The following PTPN22 variants were observed in gnomAD, a reference collection of about 807,000 sequenced individuals.
PTPN22 encodes the protein protein tyrosine phosphatase non-receptor type 22.
A neutral mutation model predicts 103.3 loss-of-function variants in PTPN22; 85 were observed. The ratio of observed to expected loss-of-function variants is 0.82; its 90% CI spans 0.69 to 0.99. The LOEUF (loss-of-function observed/expected upper bound fraction) is 0.99. PTPN22 is among the 50% of genes least tolerant of loss of function. The pLI, the probability that PTPN22 is intolerant of heterozygous loss-of-function variation, is 0.00. For synonymous variants in PTPN22, 323 were observed against 310.2 expected (o/e 1.04, Z -0.43); for missense variants, 865 against 936.9 (o/e 0.92, Z 1.00).
chr1:113,843,443 T>C lies in PTPN22; in HGVS notation c.916-4823A>G, dbSNP rs1003834629. On this transcript the variant is annotated intron_variant, in intron 11 of 20. Transcript: ENST00000359785. Reference sequence around the variant, plus strand: ...AATAAGCCAGACACAAAAGGACAAATACTATATGATTCCACCCATATCAGG... The same window carrying C: ...AATAAGCCAGACACAAAAGGACAAACACTATATGATTCCACCCATATCAGG... Among the ~76,000 whole-genome samples, 6 of 152,054 alleles carry C rather than the reference T, an allele frequency of 3.9e-5. No homozygotes were observed. In the East Asian group the frequency reaches 7.7e-4, roughly 20 times the overall value.
chr1:113,842,185 G>C (rs1299281473), intron 11 of PTPN22, among the ~76,000 whole-genome samples: 1 of 152,100 alleles, frequency 6.6e-6, no homozygotes, highest in Non-Finnish European at 1.5e-5. Flanking sequence ...ACTCCAGCCT[G>C]AATGACAGAG....
chr1:113,838,041 T>C, exon 13 of PTPN22: 1 of 1,613,948 alleles, frequency 6.2e-7, no homozygotes, highest in Middle Eastern at 1.7e-4. Context: ...GCTGTATCAA[T>C]TCAAAAGGAG....
chr1:113,853,083 C>T lies in PTPN22; in HGVS notation c.751-979G>A, dbSNP rs536962405. ...CCTCCTGAGTAGCTGGGATAACAGGCATGTGCCACCAGGCCCGGCTAATTT... is the reference window on the plus strand; with the variant it reads ...CCTCCTGAGTAGCTGGGATAACAGGTATGTGCCACCAGGCCCGGCTAATTT... On this transcript the variant is annotated intron_variant, in intron 9 of 20. Transcript: ENST00000359785. 8.0e-4 allele frequency among the ~76,000 whole-genome samples: 121 copies of T among 152,180 alleles called. 1 individual carries two copies. Among genetic ancestry groups the T allele is most frequent in the African/African-American group, 2.8e-3 (116 of 41,534 alleles).
At chr1:113,838,755 C>T in intron 11 of PTPN22, 135 bp from the exon 12 acceptor site, 1 of 1,354,986 alleles carries the variant, frequency 7.4e-7, no homozygotes, top group Non-Finnish European at 9.7e-7. Flanking sequence ...GTTAGATTAG[C>T]TTCCAAAATA....
At chr1:113,825,165 T>C (rs865852905) in exon 19 of PTPN22, 3 of 1,501,234 alleles carry the variant, frequency 2.0e-6, no homozygotes, top group Non-Finnish European at 2.7e-6. Flanking sequence ...TCGCAAAATT[T>C]TCAAACTCTA....
intron 1 of PTPN22, among the ~76,000 whole-genome samples, chr1:113,868,765 G>A (rs1666325338): frequency 6.6e-6 from 1 of 152,082 alleles, no homozygotes; most frequent in Non-Finnish European, 1.5e-5. Flanking sequence ...ATGGGGCATG[G>A]GTCTTCGGGG....
intron 18 of PTPN22, among the ~76,000 whole-genome samples, chr1:113,827,365 G>GT (rs1262244236): frequency 6.6e-6 from 1 of 152,034 alleles, no homozygotes; most frequent in Non-Finnish European, 1.5e-5. Context: ...ACCACTGTTA[G>GT]TTTTTTATCC....
intron 19 of PTPN22, among the ~76,000 whole-genome samples, chr1:113,820,549 A>G (rs1324459534): frequency 6.6e-6 from 1 of 152,158 alleles, no homozygotes; most frequent in Non-Finnish European, 1.5e-5. Flanking sequence ...TTAGTTACTT[A>G]TAGGTATAAG....
At chr1:113,837,932 T>C (rs763965245) in exon 13 of PTPN22, 1 of 1,614,158 alleles carries the variant, frequency 6.2e-7, no homozygotes, top group Non-Finnish European at 8.5e-7. Context: ...GAAACATGCA[T>C]TACTTTTTGA....
At chr1:113,834,504 C>A in intron 14 of PTPN22, 65 bp from the exon 15 acceptor site, 1 of 1,490,518 alleles carries the variant, frequency 6.7e-7, no homozygotes, top group South Asian at 1.2e-5. Context: ...AAATGTTGCT[C>A]AGCAAATAAT....
intron 19 of PTPN22, chr1:113,819,953 G>A (rs1404536994): frequency 6.4e-6 from 1 of 157,422 alleles, no homozygotes; most frequent in Non-Finnish European, 1.3e-5. Context: ...GCATTTTTTT[G>A]TTTTTTTTTT....
At chr1:113,820,365 CA>C (rs1371666153) in intron 19 of PTPN22, among the ~76,000 whole-genome samples, 2 of 151,958 alleles carry the variant, frequency 1.3e-5, no homozygotes, top group Admixed American at 1.3e-4. Flanking sequence ...GGCTGAGGCA[CA>C]AAAATTGATC....
intron 18 of PTPN22, among the ~76,000 whole-genome samples, chr1:113,827,627 T>G (rs1662202331): frequency 6.6e-6 from 1 of 152,228 alleles, no homozygotes; most frequent in Non-Finnish European, 1.5e-5. Context: ...CAGATAATGC[T>G]GCAATGAATA....
At chr1:113,846,067 T>C (rs1339591526) in intron 11 of PTPN22, among the ~76,000 whole-genome samples, 3 of 152,248 alleles carry the variant, frequency 2.0e-5, no homozygotes, top group Non-Finnish European at 4.4e-5. Context: ...TAATTCTCTA[T>C]GCCAGTCTGG....
chr1:113,818,305 G>A (rs571842584), intron 20 of PTPN22, among the ~76,000 whole-genome samples: 1 of 151,834 alleles, frequency 6.6e-6, no homozygotes, highest in Non-Finnish European at 1.5e-5. Context: ...GCTGGGATTA[G>A]AGGCATGTAC....
chr1:113,833,145 G>GA lies in PTPN22; in HGVS notation c.2026-8dup, dbSNP rs756882372. 1.3e-6 allele frequency: 2 copies of GA among 1,541,426 alleles called. No individual in the cohort carries two copies. Among genetic ancestry groups the GA allele is most frequent in the Non-Finnish European group, 1.8e-6 (2 of 1,130,044 alleles). ...GACTTCGGAGTTTTACACTCTAAAA[G>GA]AAAAAAAGAAAGGAAAAGTGAAAGA... On this transcript the variant is annotated splice_region_variant and splice_polypyrimidine_tract_variant and intron_variant, in intron 15 of 20. Transcript: ENST00000359785.
intron 11 of PTPN22, among the ~76,000 whole-genome samples, chr1:113,845,927 T>C (rs373129830): frequency 2.1e-4 from 32 of 152,370 alleles, no homozygotes; most frequent in African/African-American, 7.7e-4. Context: ...TTATCTGATA[T>C]TAACATAGCC....
At position 113,829,584 on chromosome 1, in the gene PTPN22, T is replaced by A. The variant is rs774601670; in HGVS notation, c.2250+8A>T. 1.3e-6 allele frequency: 2 copies of A among 1,521,980 alleles called. No individual in the cohort carries two copies. The highest frequency in any genetic ancestry group is 4.0e-5 in the Admixed American group (2 of 50,520). 94.3% of individuals were successfully genotyped at this position (1,521,980 alleles called of 1,614,324 possible). A position where few individuals can be genotyped will look rare whatever the true frequency, so the allele number is the denominator to read the frequency against. On this transcript the variant is annotated splice_region_variant and intron_variant, in intron 18 of 20. Coordinates refer to ENST00000359785, the Ensembl canonical transcript of PTPN22. ...CGGCATGTTTCCCAAAACTCTTATCTTCTTTACCTTACTCCTTGTGAAACT... is the reference window on the plus strand; with the variant it reads ...CGGCATGTTTCCCAAAACTCTTATCATCTTTACCTTACTCCTTGTGAAACT...
intron 20 of PTPN22, among the ~76,000 whole-genome samples, chr1:113,816,721 C>A (rs1459357636): frequency 6.6e-6 from 1 of 152,066 alleles, no homozygotes; most frequent in Non-Finnish European, 1.5e-5. Flanking sequence ...CCAGCCTGGC[C>A]AACATGATGA....
Sources: allele counts gnomAD v4.1 joint callset (sites outside exome capture counted in the v4.1 genomes callset), GRCh38; gene constraint gnomAD v4.1.1; transcripts MANE v1.5; gene names NCBI Gene and HGNC (gene_info 2026-07-23, HGNC 2026-07-21).